The following OSBPL10 variants were observed in gnomAD, a reference collection of about 807,000 sequenced individuals.
OSBPL10 encodes the protein oxysterol-binding protein-related protein 10.
OSBPL10 carries 49 observed loss-of-function variants against 81.7 expected under a neutral mutation model. That is an observed-to-expected ratio of 0.60 (90% CI 0.48 to 0.76). The LOEUF is 0.76. Ranked by LOEUF, OSBPL10 falls within the 30% of genes least tolerant of loss-of-function variation. The probability of loss-of-function intolerance (pLI) is 0.00; values close to 1 mark genes in which losing one functional copy is unlikely to be tolerated. For synonymous variants in OSBPL10, 419 were observed against 383.6 expected (o/e 1.09, Z -1.08); for missense variants, 923 against 987.8 (o/e 0.93, Z 0.88).
At chr3:32,025,890 G>GCA (rs377202727) in intron 2 of OSBPL10, among the ~76,000 whole-genome samples, 5 of 151,910 alleles carry the variant, frequency 3.3e-5, no homozygotes, top group African/African-American at 4.8e-5. Flanking sequence ...AGTATCCGCT[G>GCA]CACACACACA....
At chr3:31,976,210 T>G (rs60434847) in intron 1 of OSBPL10, among the ~76,000 whole-genome samples, 10,701 of 152,218 alleles carry the variant, frequency 0.07, 656 homozygotes, top group East Asian at 0.33. Context: ...ACAGACAAAT[T>G]GAAGATCTAA....
At chr3:31,792,857 A>G (rs1218745858) in intron 4 of OSBPL10, among the ~76,000 whole-genome samples, 1 of 74,458 alleles carries the variant, frequency 1.3e-5, no homozygotes, top group African/African-American at 4.8e-5. Context: ...CTATCTAGGC[A>G]CTCTGTGTGT....
At chr3:31,731,750 G>A (rs1444122841) in intron 6 of OSBPL10, among the ~76,000 whole-genome samples, 2 of 152,162 alleles carry the variant, frequency 1.3e-5, no homozygotes, top group Non-Finnish European at 2.9e-5. Flanking sequence ...GCCTACCAAT[G>A]TGCTGGGATT....
At chr3:31,905,003 G>C (rs560157715) in intron 1 of OSBPL10, among the ~76,000 whole-genome samples, 1 of 152,160 alleles carries the variant, frequency 6.6e-6, no homozygotes, top group Non-Finnish European at 1.5e-5. Context: ...AAGCAACAAA[G>C]GAATCGAGTA....
chr3:31,729,897 T>C (rs1696915958), intron 6 of OSBPL10, among the ~76,000 whole-genome samples: 1 of 152,200 alleles, frequency 6.6e-6, no homozygotes. Context: ...CCAACCTCCA[T>C]GCCACTGCCT....
chr3:31,959,621 A>G (rs1023343675), intron 1 of OSBPL10, among the ~76,000 whole-genome samples: 7 of 152,214 alleles, frequency 4.6e-5, no homozygotes, highest in Non-Finnish European at 1.0e-4. Context: ...ATTCTTTGCT[A>G]TATAACAAAA....
chr3:31,975,899 T>C (rs1441752803), intron 1 of OSBPL10, among the ~76,000 whole-genome samples: 1 of 152,146 alleles, frequency 6.6e-6, no homozygotes, highest in Non-Finnish European at 1.5e-5. Flanking sequence ...AACAAAATTA[T>C]CTGTCCTCAG....
chr3:31,897,834 C>G (rs1271827721), intron 1 of OSBPL10, among the ~76,000 whole-genome samples: 2 of 151,346 alleles, frequency 1.3e-5, no homozygotes, highest in Middle Eastern at 3.4e-3. Flanking sequence ...ATGGTGAAAC[C>G]CCATCTCTAC....
intron 2 of OSBPL10, among the ~76,000 whole-genome samples, chr3:31,994,917 C>T (rs1018117669): frequency 6.6e-6 from 1 of 152,170 alleles, no homozygotes; most frequent in Non-Finnish European, 1.5e-5. Flanking sequence ...AATTTTACAG[C>T]TGGGCTGCCA....
chr3:31,953,597 G>A (rs935115304), intron 1 of OSBPL10, among the ~76,000 whole-genome samples: 3 of 151,820 alleles, frequency 2.0e-5, no homozygotes, highest in Non-Finnish European at 4.4e-5. Flanking sequence ...TTGTAAAGAC[G>A]GTTTTACCAT....
At chr3:31,678,781 A>AGTGTGTGTGTGT (rs1559411581) in intron 8 of OSBPL10, among the ~76,000 whole-genome samples, 32 of 99,258 alleles carry the variant, frequency 3.2e-4, no homozygotes, top group African/African-American at 1.3e-3. Flanking sequence ...ACAGATTCAA[A>AGTGTGTGTGTGT]CTGTGTGTGT....
intron 4 of OSBPL10, among the ~76,000 whole-genome samples, chr3:31,812,818 G>GAAAGAA (rs1223174164): frequency 7.0e-4 from 18 of 25,878 alleles, no homozygotes; most frequent in Non-Finnish European, 9.9e-4. Flanking sequence ...AAGAAAGAAA[G>GAAAGAA]AGAAAGAAAG....
At chr3:32,065,654 G>A (rs1699771528) in intron 1 of OSBPL10, among the ~76,000 whole-genome samples, 1 of 91,166 alleles carries the variant, frequency 1.1e-5, no homozygotes, top group East Asian at 2.5e-4. Flanking sequence ...GCCTGAGGCA[G>A]GTGGATCACT....
intron 8 of OSBPL10, 52 bp from the exon 9 acceptor site, chr3:31,671,035 CT>C: frequency 6.7e-7 from 1 of 1,485,936 alleles, no homozygotes; most frequent in Non-Finnish European, 9.1e-7. Flanking sequence ...GAAGAGGGCA[CT>C]GGGGATCAGA....
chr3:31,919,215 T>C (rs553334721), intron 1 of OSBPL10, among the ~76,000 whole-genome samples: 3 of 152,336 alleles, frequency 2.0e-5, no homozygotes, highest in Non-Finnish European at 4.4e-5. Flanking sequence ...TATCATGACC[T>C]TTATAATGCT....
Position 32,022,209 on chromosome 3 carries a change from G to A in OSBPL10, n.298+24282C>T, listed in dbSNP as rs140467748. On this transcript the variant is annotated intron_variant and non_coding_transcript_variant, in intron 2 of 3. Coordinates refer to the OSBPL10 transcript ENST00000479173. ...CCCAGCACCATTTTGTTATGGAACC[G>A]AACTGGGGTCTCTCACTTGGTGCAG... is the stretch of plus-strand genomic sequence containing the variant. Among the ~76,000 whole-genome samples, 82 of 152,206 alleles carry A rather than the reference G, an allele frequency of 5.4e-4. No homozygotes were observed. The East Asian group carries it at 0.014, about 25-fold the overall frequency.
intron 7 of OSBPL10, among the ~76,000 whole-genome samples, chr3:31,695,997 A>T (rs1019976319): frequency 3.9e-5 from 6 of 152,012 alleles, no homozygotes; most frequent in Non-Finnish European, 7.4e-5. Flanking sequence ...ACAATTATCA[A>T]CCTCCTTTTA....
chr3:31,855,628 T>C (rs1009290397), intron 3 of OSBPL10, among the ~76,000 whole-genome samples: 2 of 152,132 alleles, frequency 1.3e-5, no homozygotes, highest in African/African-American at 4.8e-5. Context: ...TACACAGACA[T>C]GCAGTGTTTG....
chr3:31,663,112 C>T (rs1309787025), intron 11 of OSBPL10: 1 of 985,282 alleles, frequency 1.0e-6, no homozygotes, highest in Admixed American at 6.2e-5. Flanking sequence ...ACTTCTCAGC[C>T]TCGTATATAG....
Sources: allele counts gnomAD v4.1 joint callset (sites outside exome capture counted in the v4.1 genomes callset), GRCh38; gene constraint gnomAD v4.1.1; transcripts MANE v1.5; gene names NCBI Gene and HGNC (gene_info 2026-07-23, HGNC 2026-07-21).